ARSL: variants seen among roughly 807,000 people sequenced by gnomAD.
ARSL encodes the protein arylsulfatase L.
A neutral mutation model predicts 31.1 loss-of-function variants in ARSL; 4 were observed. The ratio of observed to expected loss-of-function variants is 0.13; its 90% CI spans 0.06 to 0.29. The LOEUF is 0.29. Ranked by LOEUF, ARSL falls within the 10% of genes least tolerant of loss-of-function variation. ARSL has a pLI of 1.00. For missense variants in ARSL, 312 were observed against 497.8 expected (o/e 0.63, Z 3.55); for synonymous variants, 198 against 209.9 (o/e 0.94, Z 0.49).
At chrX:2,946,247 C>A in intron 6 of ARSL, 113 bp from the exon 7 acceptor site, 1 of 675,607 alleles carries the variant, frequency 1.5e-6, no homozygotes, top group Non-Finnish European at 2.2e-6. Flanking sequence ...AATGTCTTCT[C>A]AACTCTGCTC....
At chrX:2,966,698 C>T (rs1469891486), upstream of ARSL, among the ~76,000 whole-genome samples, 1 of 107,936 alleles carries the variant, frequency 9.3e-6, no homozygotes, top group Non-Finnish European at 1.9e-5. Flanking sequence ...AATATGCATG[C>T]TTTTCTTTAC....
chrX:2,937,961 G>A, intron 9 of ARSL, 134 bp downstream of exon 9: 1 of 897,059 alleles, frequency 1.1e-6, no homozygotes, highest in South Asian at 2.2e-5. Context: ...ATGAGAATAA[G>A]CAGCCCGACC....
At chrX:2,968,117 CT>C, upstream of ARSL, 1 of 1,155,347 alleles carries the variant, frequency 8.7e-7, no homozygotes, top group Non-Finnish European at 1.1e-6. Flanking sequence ...AAAAGCCGGC[CT>C]GTAAGAAGAA....
chrX:2,944,896 T>C (rs936817757), intron 7 of ARSL, among the ~76,000 whole-genome samples: 2 of 108,473 alleles, frequency 1.8e-5, no homozygotes, highest in Non-Finnish European at 3.8e-5. Flanking sequence ...GGTGATGCTG[T>C]GTTAGGAAAA....
At position 2,943,070 on chromosome X, in the gene ARSL, T is replaced by A. The variant is rs776980416; in HGVS notation, c.1121A>T (p.Tyr374Phe). The change falls in exon 8 of 11, where the codon TAT becomes TTT. Residue 374 changes from tyrosine to phenylalanine, a missense_variant. Coordinates refer to ENST00000381134, the MANE Select transcript of ARSL (RefSeq NM_000047.3). ...NTQYGGWNGIYKGGKGMGGWE... is the reference protein window; with the variant it reads ...NTQYGGWNGIFKGGKGMGGWE... Reference sequence around the variant, plus strand: ...TGGGAGCATCTCAGTCTTACCTTTATAAATTCCATTCCAGCCACCATACTG... The same window carrying A: ...TGGGAGCATCTCAGTCTTACCTTTAAAAATTCCATTCCAGCCACCATACTG... 2.8e-5 allele frequency: 34 copies of A among 1,209,173 alleles called. No individual in the cohort carries two copies. Among genetic ancestry groups the A allele is most frequent in the Non-Finnish European group, 3.5e-5 (31 of 895,006 alleles).
intron 5 of ARSL, among the ~76,000 whole-genome samples, chrX:2,951,614 C>CAAAAAAAAAA (rs1164575386): frequency 6.6e-4 from 19 of 28,633 alleles, no homozygotes; most frequent in Admixed American, 1.0e-3. Context: ...CCCATCTCTA[C>CAAAAAAAAAA]AAAAAAAAAA....
intron 2 of ARSL, among the ~76,000 whole-genome samples, chrX:2,960,110 A>G (rs2089592151): frequency 1.0e-5 from 1 of 97,627 alleles, no homozygotes; most frequent in Non-Finnish European, 2.1e-5. Context: ...TCTACTAAAA[A>G]TACAAAAAAT....
chrX:2,944,730 G>A (rs1603461952), intron 7 of ARSL, among the ~76,000 whole-genome samples: 1 of 109,861 alleles, frequency 9.1e-6, no homozygotes, highest in Admixed American at 9.9e-5. Context: ...ACCCAGCCCT[G>A]ACTCACTCAA....
chrX:2,959,798 ATTATCTGAG>A (rs2089579272), intron 2 of ARSL: 1 of 990,712 alleles, frequency 1.0e-6, no homozygotes, highest in African/African-American at 2.0e-5. Context: ...GCTCATGCCC[ATTATCTGAG>A]CACGTTGGGA....
chrX:2,944,922 CAGAA>C (rs750785703), intron 7 of ARSL, among the ~76,000 whole-genome samples: 15 of 102,080 alleles, frequency 1.5e-4, no homozygotes, highest in African/African-American at 2.5e-4. Flanking sequence ...AGAAAGAAGA[CAGAA>C]AGAAGAAAGA....
chrX:2,960,896 G>T (rs1218768061), intron 1 of ARSL, among the ~76,000 whole-genome samples: 1 of 111,595 alleles, frequency 9.0e-6, no homozygotes, highest in Non-Finnish European at 1.9e-5. Flanking sequence ...ATACACAAAA[G>T]AATCTGAGTA....
chrX:2,945,408 G>A (rs1471480707), intron 7 of ARSL, among the ~76,000 whole-genome samples: 1 of 111,781 alleles, frequency 8.9e-6, no homozygotes, highest in Non-Finnish European at 1.9e-5. Flanking sequence ...CTACAGCGGA[G>A]AGGAATTTTA....
chrX:2,959,624 A>C, intron 2 of ARSL: 1 of 1,153,726 alleles, frequency 8.7e-7, no homozygotes, highest in East Asian at 3.3e-5. Flanking sequence ...AGAATGAAAT[A>C]CAATTCCTTC....
intron 2 of ARSL, chrX:2,959,826 T>C: frequency 1.3e-6 from 1 of 772,388 alleles, no homozygotes; most frequent in Non-Finnish European, 1.7e-6. Context: ...GAGGCCAAGG[T>C]GGGAGCATTG....
intron 7 of ARSL, among the ~76,000 whole-genome samples, chrX:2,945,464 A>T (rs989753105): frequency 8.9e-6 from 1 of 112,037 alleles, no homozygotes; most frequent in African/African-American, 3.2e-5. Context: ...TAGGACGTAG[A>T]CATCTTTGGG....
intron 2 of ARSL, chrX:2,959,558 C>T: frequency 8.9e-7 from 1 of 1,122,304 alleles, no homozygotes; most frequent in Non-Finnish European, 1.2e-6. Flanking sequence ...CCTGATTTTC[C>T]CTGGAAAACC....
chrX:2,961,367 A>G (rs2089631113), intron 1 of ARSL, among the ~76,000 whole-genome samples: 1 of 111,239 alleles, frequency 9.0e-6, no homozygotes, highest in Non-Finnish European at 1.9e-5. Flanking sequence ...TGGCTTGTGC[A>G]TGGGACTGAG....
At chrX:2,963,075 G>T (rs1005531511) in intron 1 of ARSL, among the ~76,000 whole-genome samples, 4 of 112,095 alleles carry the variant, frequency 3.6e-5, no homozygotes, top group Non-Finnish European at 7.5e-5. Flanking sequence ...AAGAGAAAAA[G>T]ACCTTAGATA....
chrX:2,953,068 C>A (rs1216916565), intron 5 of ARSL, 75 bp downstream of exon 5: 1 of 1,142,518 alleles, frequency 8.8e-7, no homozygotes, highest in Non-Finnish European at 1.2e-6. Flanking sequence ...CACCCACTTT[C>A]CTTTCCAAAC....
Sources: allele counts gnomAD v4.1 joint callset (sites outside exome capture counted in the v4.1 genomes callset), GRCh38; gene constraint gnomAD v4.1.1; transcripts MANE v1.5; gene names NCBI Gene and HGNC (gene_info 2026-07-23, HGNC 2026-07-21).